The following RORA variants were observed in gnomAD, a reference collection of about 807,000 sequenced individuals.
RORA encodes the protein nuclear receptor ROR-alpha.
RORA carries 7 observed loss-of-function variants against 69.5 expected under a neutral mutation model. The ratio of observed to expected loss-of-function variants is 0.10; its 90% CI spans 0.06 to 0.19. The LOEUF (loss-of-function observed/expected upper bound fraction) is 0.19, where lower values mean the gene tolerates loss of function less well. Among genes scored for constraint, RORA ranks in the 10% least tolerant of loss-of-function variants. RORA has a pLI of 1.00. For missense variants in RORA, 457 were observed against 663.0 expected, an observed-to-expected ratio of 0.69 and a Z score of 3.41; for synonymous variants, 261 against 240.8, an observed-to-expected ratio of 1.08 and a Z score of -0.78.
At chr15:61,196,996 C>T (rs1175948757) in intron 1 of RORA, among the ~76,000 whole-genome samples, 1 of 152,142 alleles carries the variant, frequency 6.6e-6, no homozygotes, top group Admixed American at 6.5e-5. Context: ...CTTGCCAGAG[C>T]AGAACTTAGG....
intron 1 of RORA, among the ~76,000 whole-genome samples, chr15:60,788,477 C>A (rs1047667937): frequency 1.3e-5 from 2 of 152,200 alleles, no homozygotes; most frequent in African/African-American, 4.8e-5. Context: ...GTGACGTGTG[C>A]TTGACCTATC....
At chr15:61,064,827 T>A (rs1262314366) in intron 1 of RORA, among the ~76,000 whole-genome samples, 2 of 152,138 alleles carry the variant, frequency 1.3e-5, no homozygotes, top group African/African-American at 4.8e-5. Context: ...TTCTAGGCTA[T>A]AAGCCAACTT....
intron 1 of RORA, among the ~76,000 whole-genome samples, chr15:61,145,806 G>C (rs912351919): frequency 6.6e-6 from 1 of 152,038 alleles, no homozygotes; most frequent in Non-Finnish European, 1.5e-5. Context: ...AAGAGAAGGG[G>C]GCAGTATCCC....
chr15:60,628,734 G>A (rs542070087), intron 2 of RORA, among the ~76,000 whole-genome samples: 1 of 152,308 alleles, frequency 6.6e-6, no homozygotes, highest in East Asian at 1.9e-4. Flanking sequence ...TGCCCTTGGA[G>A]AGGTGAAGAA....
chr15:61,131,749 A>G lies in RORA; in HGVS notation c.166+97304T>C, dbSNP rs2079191995. Among the ~76,000 whole-genome samples, 1 of 152,234 alleles carries G rather than the reference A, an allele frequency of 6.6e-6. No homozygotes were observed. The highest frequency in any genetic ancestry group is 2.1e-4 in the South Asian group (1 of 4,826). On this transcript the variant is annotated intron_variant, in intron 1 of 10. Transcript: ENST00000335670. The surrounding 1 kb of genome is among the most constrained non-coding windows in gnomAD (Gnocchi z 4.2). ...AAAAACATACTGAGCAGAAATTCCA[A>G]CGTGGGCAGGGCTGGGGAAGGAGTA...
At chr15:60,790,646 C>A (rs2072401983) in intron 1 of RORA, among the ~76,000 whole-genome samples, 1 of 152,224 alleles carries the variant, frequency 6.6e-6, no homozygotes, top group African/African-American at 2.4e-5. Context: ...ATGTTTTCAA[C>A]TGAGTCCCCC....
intron 1 of RORA, among the ~76,000 whole-genome samples, chr15:60,686,496 C>T (rs897018020): frequency 6.6e-6 from 1 of 152,120 alleles, no homozygotes; most frequent in African/African-American, 2.4e-5. Flanking sequence ...GCTATCCATT[C>T]GATATTACCT....
At chr15:61,182,740 G>A (rs558262890) in intron 1 of RORA, among the ~76,000 whole-genome samples, 4 of 152,322 alleles carry the variant, frequency 2.6e-5, no homozygotes, top group South Asian at 2.1e-4. Flanking sequence ...GAATCAGATC[G>A]AGGTTCACAT....
intron 2 of RORA, among the ~76,000 whole-genome samples, chr15:60,661,066 A>AG (rs2070296175): frequency 7.0e-6 from 1 of 142,504 alleles, no homozygotes; most frequent in South Asian, 2.3e-4. Context: ...GGCAAAAAAA[A>AG]AAAATAGAGG....
intron 2 of RORA, among the ~76,000 whole-genome samples, chr15:60,562,342 CCT>C (rs1289564248): frequency 1.3e-5 from 2 of 151,896 alleles, no homozygotes; most frequent in Non-Finnish European, 2.9e-5. Context: ...CTCAGACAAT[CCT>C]CTTGCCTCAG....
In RORA at chr15:60,502,887, G is replaced by A; in HGVS notation, c.1076-20C>T. 6.5e-7 allele frequency: 1 copy of A among 1,542,032 alleles called. No individual in the cohort carries two copies. The highest frequency in any genetic ancestry group is 1.7e-5 in the Admixed American group (1 of 59,914). ...GAGAACCTAAGCAGAGGCAGAAATG[G>A]TTTGGGTCATTTGGGTCATCTGATG... On this transcript the variant is annotated intron_variant, in intron 7 of 10. Coordinates refer to ENST00000335670, the MANE Select transcript of RORA (RefSeq NM_134261.3).
intron 1 of RORA, among the ~76,000 whole-genome samples, chr15:60,950,996 GCACCA>G (rs1481764234): frequency 6.6e-6 from 1 of 150,684 alleles, no homozygotes; most frequent in East Asian, 2.0e-4. Context: ...ATTTTTTTCA[GCACCA>G]CACCACACCT....
In RORA at chr15:61,220,940, G is replaced by A. The variant is rs557620164; in HGVS notation, c.166+8113C>T. On this transcript the variant is annotated intron_variant, in intron 1 of 10. Transcript: ENST00000335670. ...CTTCATCCACAGCCCCCACTCCCCA[G>A]CCCCAAACAGGCATTGTTAATCTCT... Among the ~76,000 whole-genome samples the A allele has an allele frequency of 2.0e-5, 3 of 152,072 alleles. No homozygotes were observed. The East Asian group carries it at 5.8e-4, about 29-fold the overall frequency.
chr15:60,766,228 A>AGCCTGTGT (rs1452372335), intron 1 of RORA, among the ~76,000 whole-genome samples: 3 of 152,110 alleles, frequency 2.0e-5, no homozygotes, highest in Admixed American at 1.3e-4. Context: ...TGAGCCTGTG[A>AGCCTGTGT]GCCTGCGAGC....
chr15:61,032,920 T>C (rs1896246907), intron 1 of RORA, among the ~76,000 whole-genome samples: 2 of 152,234 alleles, frequency 1.3e-5, no homozygotes, highest in South Asian at 4.1e-4. Flanking sequence ...ATAATAGCTA[T>C]AATTTATTGA....
At chr15:60,617,659 CAGAGAG>C (rs10594406) in intron 2 of RORA, among the ~76,000 whole-genome samples, 18,703 of 141,470 alleles carry the variant, frequency 0.13, 1,262 homozygotes, top group African/African-American at 0.19. Context: ...CACATACAGA[CAGAGAG>C]AGAGAGAGAG....
At chr15:60,704,398 C>T (rs770439591) in intron 1 of RORA, among the ~76,000 whole-genome samples, 4 of 152,170 alleles carry the variant, frequency 2.6e-5, no homozygotes, top group Non-Finnish European at 5.9e-5. Flanking sequence ...GCCTGGGTGG[C>T]TCCCCAAAGG....
At chr15:61,139,534 A>C (rs932300269) in intron 1 of RORA, among the ~76,000 whole-genome samples, 2 of 152,240 alleles carry the variant, frequency 1.3e-5, no homozygotes, top group South Asian at 4.1e-4. Flanking sequence ...GCAGGTGAGA[A>C]AATGTGACCA....
intron 2 of RORA, among the ~76,000 whole-genome samples, chr15:60,653,291 G>GT (rs1021248642): frequency 7.6e-6 from 1 of 132,310 alleles, no homozygotes; most frequent in African/African-American, 3.0e-5. Context: ...ATGTGTACAG[G>GT]TGCATGCGTG....
Sources: gnomAD v4.1 joint callset for allele counts (sites outside exome capture counted in the v4.1 genomes callset) on GRCh38, gnomAD v4.1.1 for gene constraint, Gnocchi (gnomAD v3.1) non-coding constraint, MANE v1.5 for transcripts, NCBI Gene and HGNC (gene_info 2026-07-23, HGNC 2026-07-21) for gene names.